The following OPCML variants were observed in gnomAD, a reference collection of about 807,000 sequenced individuals.
The protein encoded by OPCML is opioid binding protein/cell adhesion molecule like.
A neutral mutation model predicts 37.8 loss-of-function variants in OPCML; 13 were observed. The observed-to-expected ratio is 0.34, with a 90% CI of 0.22 to 0.55. The LOEUF is 0.55. Among genes scored for constraint, OPCML ranks in the 20% least tolerant of loss-of-function variants. OPCML has a pLI of 0.91. For missense variants in OPCML, 341 were observed against 435.6 expected, an observed-to-expected ratio of 0.78 and a Z score of 1.93; for synonymous variants, 176 against 168.8, an observed-to-expected ratio of 1.04 and a Z score of -0.33.
intron 1 of OPCML, among the ~76,000 whole-genome samples, chr11:133,462,371 T>A (rs1014797315): frequency 2.0e-5 from 3 of 152,018 alleles, no homozygotes; most frequent in African/African-American, 7.2e-5. Flanking sequence ...CATTTATGCA[T>A]CAAAGACCAG....
At chr11:133,321,061 C>T (rs73602422) in intron 1 of OPCML, among the ~76,000 whole-genome samples, 8,015 of 151,926 alleles carry the variant, frequency 0.053, 497 homozygotes, top group African/African-American at 0.16. Context: ...TCTTCATGTA[C>T]GGATAGGGCA....
intron 1 of OPCML, among the ~76,000 whole-genome samples, chr11:133,131,202 T>C (rs1413612272): frequency 1.3e-5 from 2 of 152,284 alleles, no homozygotes; most frequent in Middle Eastern, 3.4e-3. Context: ...GGACTTCCCA[T>C]ACTCCAGAAC....
intron 2 of OPCML, among the ~76,000 whole-genome samples, chr11:132,670,797 T>G (rs1232023759): frequency 6.6e-6 from 1 of 152,198 alleles, no homozygotes; most frequent in Non-Finnish European, 1.5e-5. Flanking sequence ...TGTTTGCTAT[T>G]ATATTTACAT....
intron 2 of OPCML, among the ~76,000 whole-genome samples, chr11:132,844,680 C>T (rs1206775928): frequency 2.0e-5 from 3 of 152,122 alleles, no homozygotes; most frequent in Non-Finnish European, 2.9e-5. Context: ...GCTATATATT[C>T]TCTGTCATCA....
chr11:132,439,704 T>A (rs1262097471), intron 4 of OPCML, among the ~76,000 whole-genome samples: 2 of 150,912 alleles, frequency 1.3e-5, no homozygotes, highest in African/African-American at 4.9e-5. Context: ...CGCCATTTTT[T>A]TTTTTTTTCC....
At chr11:132,536,923 G>A (rs1244296867) in intron 3 of OPCML, among the ~76,000 whole-genome samples, 8 of 152,144 alleles carry the variant, frequency 5.3e-5, no homozygotes. Flanking sequence ...ATGTGCACTT[G>A]TGTGCTCATA....
intron 1 of OPCML, among the ~76,000 whole-genome samples, chr11:133,255,746 C>A (rs1285376881): frequency 6.6e-6 from 1 of 152,124 alleles, no homozygotes; most frequent in Non-Finnish European, 1.5e-5. Context: ...AACTAAACAG[C>A]TCTCCCTTCA....
At chr11:132,899,868 A>C (rs1185346652) in intron 2 of OPCML, among the ~76,000 whole-genome samples, 1 of 152,126 alleles carries the variant, frequency 6.6e-6, no homozygotes, top group African/African-American at 2.4e-5. Flanking sequence ...GCCCTTGGTC[A>C]GCAGAACTCC....
At chr11:132,983,033 A>C (rs998637247) in intron 1 of OPCML, among the ~76,000 whole-genome samples, 1 of 152,214 alleles carries the variant, frequency 6.6e-6, no homozygotes, top group Non-Finnish European at 1.5e-5. Flanking sequence ...TTGCCAAATT[A>C]TGATGGCTTT....
At chr11:133,524,805 AC>A (rs1272037092) in intron 1 of OPCML, among the ~76,000 whole-genome samples, 2 of 152,224 alleles carry the variant, frequency 1.3e-5, no homozygotes, top group Non-Finnish European at 2.9e-5. Flanking sequence ...GAAGCAAGGC[AC>A]ATCCCCAAGC....
chr11:133,288,368 A>G (rs4345975), intron 1 of OPCML, among the ~76,000 whole-genome samples: 54,884 of 151,998 alleles, frequency 0.36, 11,283 homozygotes, highest in East Asian at 0.76. Context: ...CAAGTTGCCT[A>G]CCTCAGCATC....
chr11:132,609,186 G>T (rs1240816274), intron 3 of OPCML, among the ~76,000 whole-genome samples: 2 of 152,112 alleles, frequency 1.3e-5, no homozygotes, highest in African/African-American at 2.4e-5. Context: ...AGGGCAGGGG[G>T]TCTCAAAAAG....
intron 3 of OPCML, among the ~76,000 whole-genome samples, chr11:132,538,231 C>A (rs933960608): frequency 9.2e-5 from 14 of 152,106 alleles, no homozygotes; most frequent in Non-Finnish European, 1.3e-4. Context: ...TATAAGCATA[C>A]AAAGAAACAA....
chr11:133,287,109 A>C (rs1424820957), intron 1 of OPCML, among the ~76,000 whole-genome samples: 2 of 152,144 alleles, frequency 1.3e-5, no homozygotes, highest in African/African-American at 4.8e-5. Context: ...TTCTGCAGAA[A>C]TGTAATATCA....
chr11:132,922,477 G>A (rs1402713027), intron 2 of OPCML, among the ~76,000 whole-genome samples: 1 of 152,014 alleles, frequency 6.6e-6, no homozygotes, highest in Non-Finnish European at 1.5e-5. Context: ...GCACGTGTGC[G>A]GGAAGACGGA....
intron 2 of OPCML, among the ~76,000 whole-genome samples, chr11:132,905,679 A>C (rs999512261): frequency 1.3e-5 from 2 of 152,168 alleles, no homozygotes; most frequent in African/African-American, 4.8e-5. Context: ...AACACCCAAT[A>C]GTGGCAGGAT....
intron 3 of OPCML, among the ~76,000 whole-genome samples, chr11:132,624,557 A>G (rs1336952043): frequency 6.6e-6 from 1 of 151,960 alleles, no homozygotes; most frequent in Non-Finnish European, 1.5e-5. Context: ...GGCTCCAATG[A>G]TTACATCACA....
intron 1 of OPCML, among the ~76,000 whole-genome samples, chr11:133,133,274 C>T (rs1440208310): frequency 6.6e-6 from 1 of 152,156 alleles, no homozygotes. Flanking sequence ...AAGCAGTGTC[C>T]TGATTGTGCA....
At chr11:132,587,312 A>G (rs1009919109) in intron 3 of OPCML, among the ~76,000 whole-genome samples, 1 of 152,246 alleles carries the variant, frequency 6.6e-6, no homozygotes, top group South Asian at 2.1e-4. Context: ...GAGACAAACT[A>G]TCTGCTTACC....
Sources: gnomAD v4.1 joint callset for allele counts (sites outside exome capture counted in the v4.1 genomes callset) on GRCh38, gnomAD v4.1.1 for gene constraint, MANE v1.5 for transcripts, NCBI Gene and HGNC (gene_info 2026-07-23, HGNC 2026-07-21) for gene names.